RGS14: variants seen among roughly 807,000 people sequenced by gnomAD.
RGS14 encodes regulator of G protein signaling 14, also known as regulator of G-protein signaling 14.
A neutral mutation model predicts 63.8 loss-of-function variants in RGS14; 33 were observed. The observed-to-expected ratio is 0.52, with a 90% CI of 0.39 to 0.69. The LOEUF is 0.69. Among genes scored for constraint, RGS14 ranks in the 30% least tolerant of loss-of-function variants. RGS14 has a pLI of 0.00. For synonymous variants in RGS14, 296 were observed against 320.9 expected (o/e 0.92, Z 0.83); for missense variants, 739 against 742.9 (o/e 0.99, Z 0.06).
rs957664479 is a variant in RGS14 at position 177,364,197 on chromosome 5, G to A, written c.46-1766G>A. ...GAGGGTGGGGGTTGGGGGGCTTTCC[G>A]GGGTGGAGATGTTTGCAGGCCTGTT... is the stretch of plus-strand genomic sequence containing the variant. On this transcript the variant is annotated intron_variant, in intron 1 of 14. Transcript: ENST00000408923. The surrounding 1 kb of genome is among the most constrained non-coding windows in gnomAD (Gnocchi z 4.6). 2.0e-5 allele frequency among the ~76,000 whole-genome samples: 3 copies of A among 152,056 alleles called. No individual in the cohort carries two copies. The highest frequency in any genetic ancestry group is 2.9e-5 in the Non-Finnish European group (2 of 68,008).
chr5:177,368,100 C>G (rs1251818068), intron 7 of RGS14, 57 bp from the exon 8 acceptor site: 1 of 1,580,990 alleles, frequency 6.3e-7, no homozygotes, highest in South Asian at 1.1e-5. Flanking sequence ...AACAGGCTTC[C>G]GCAGAGGATG....
chr5:177,368,045 C>T, intron 7 of RGS14, 112 bp from the exon 8 acceptor site: 2 of 1,503,664 alleles, frequency 1.3e-6, no homozygotes, highest in Non-Finnish European at 1.8e-6. Context: ...GGGATTTACA[C>T]CTGGGCCCCT....
Position 177,371,280 on chromosome 5 carries a change from A to C in RGS14, c.1336+34A>C. 1.2e-6 allele frequency: 2 copies of C among 1,613,812 alleles called. No individual in the cohort carries two copies. Among genetic ancestry groups the C allele is most frequent in the Non-Finnish European group, 1.7e-6 (2 of 1,179,840 alleles). ...CGCTGGCCTCGGGGCTTGATCTGGA[A>C]CAGCTGTGGCCCAGGAGGAAGGGGG... is the stretch of plus-strand genomic sequence containing the variant. On this transcript the variant is annotated intron_variant, in intron 12 of 14. Transcript: ENST00000408923. The surrounding 1 kb of genome is among the most constrained non-coding windows in gnomAD (Gnocchi z 6.1).
chr5:177,361,272 ACAGGGTCTTG>A (rs1581614324), intron 1 of RGS14, among the ~76,000 whole-genome samples: 1 of 152,232 alleles, frequency 6.6e-6, no homozygotes, highest in Admixed American at 6.5e-5. Flanking sequence ...ACATCTCCAG[ACAGGGTCTTG>A]CAGCCCCTCA....
At chr5:177,370,330 G>A (rs1049704933) in intron 9 of RGS14, among the ~76,000 whole-genome samples, 1 of 152,204 alleles carries the variant, frequency 6.6e-6, no homozygotes, top group Non-Finnish European at 1.5e-5. Flanking sequence ...CATGCCAGCA[G>A]CTACGTTTCT....
intron 5 of RGS14, 102 bp from the exon 6 acceptor site, chr5:177,367,312 C>T (rs1179745627): frequency 1.4e-6 from 2 of 1,435,914 alleles, no homozygotes; most frequent in South Asian, 1.4e-5. Context: ...AAATCCAGCC[C>T]TAGGTTTGGG....
chr5:177,368,373 C>T, intron 8 of RGS14, 107 bp downstream of exon 8: 1 of 1,217,090 alleles, frequency 8.2e-7, no homozygotes, highest in East Asian at 2.5e-5. Context: ...ACTGCGTCTC[C>T]CAGCTTGCTC....
Position 177,371,103 on chromosome 5 carries a change from C to G in RGS14, c.1255-62C>G, listed in dbSNP as rs1406899547. 2.3e-5 allele frequency: 27 copies of G among 1,199,208 alleles called. No individual in the cohort carries two copies. In the Admixed American group the frequency reaches 2.8e-4, roughly 13 times the overall value. 74.3% of individuals were successfully genotyped at this position (1,199,208 alleles called of 1,614,324 possible). ...GCCGGGGCCGGGGCCGGGGCCGGGG[C>G]CGGGGCCGGGGCCGGGGCCGGGCGG... On this transcript the variant is annotated intron_variant, in intron 11 of 14. Transcript: ENST00000408923. This position sits in a 1 kb window ranked among gnomAD's most constrained non-coding sequence, Gnocchi z 6.1.
At position 177,359,491 on chromosome 5, in the gene RGS14, C is replaced by T. The variant is rs1761910361; in HGVS notation, c.45+1422C>T. ...TGGGACAGTGCCTAGAACTACAGGG[C>T]AGCAGAGGGGGCCCAGAGACAGACC... is the stretch of plus-strand genomic sequence containing the variant. On this transcript the variant is annotated intron_variant, in intron 1 of 14. Transcript: ENST00000408923. This position sits in a 1 kb window ranked among gnomAD's most constrained non-coding sequence, Gnocchi z 4.4. Among the ~76,000 whole-genome samples the T allele has an allele frequency of 6.6e-6, 1 of 152,156 alleles. No homozygotes were observed. Among genetic ancestry groups the T allele is most frequent in the African/African-American group, 2.4e-5 (1 of 41,436 alleles).
At chr5:177,367,386 G>A (rs1476392178) in intron 5 of RGS14, 28 bp from the exon 6 acceptor site, 32 of 1,572,284 alleles carry the variant, frequency 2.0e-5, no homozygotes, top group Non-Finnish European at 2.6e-5. Context: ...CCCAGCCCCG[G>A]CTCACCTGTT....
In RGS14 at chr5:177,371,089, GGC is replaced by G. The variant is rs1762249338; in HGVS notation, c.1254+59_1254+60del. 1 of 739,194 alleles carries G rather than the reference GGC, an allele frequency of 1.4e-6. No homozygotes were observed. Among genetic ancestry groups the G allele is most frequent in the Non-Finnish European group, 1.6e-6 (1 of 606,776 alleles). The allele number at this position is 739,194 out of a possible 1,614,324, so 45.8% of individuals were successfully genotyped here. The stretch of plus-strand genomic sequence containing the variant: ...GGGGCCGGGCCGGGGCCGGGGCCGG[GGC>G]CGGGGCCGGGGCCGGGGCCGGGGCC... On this transcript the variant is annotated intron_variant, in intron 11 of 14. Transcript: ENST00000408923. This position sits in a 1 kb window ranked among gnomAD's most constrained non-coding sequence, Gnocchi z 6.1.
Position 177,368,152 on chromosome 5 carries a change from A to T in RGS14, c.740-5A>T. On this transcript the variant is annotated splice_polypyrimidine_tract_variant and splice_region_variant and intron_variant, in intron 7 of 14. Coordinates refer to ENST00000408923, the MANE Select transcript of RGS14 (RefSeq NM_006480.5). Reference sequence around the variant, plus strand: ...TGTTCGCGTTCATCGCTCCCTCTTCACTAGAGCTGGGCGGGACTGCAAACG... The same window carrying T: ...TGTTCGCGTTCATCGCTCCCTCTTCTCTAGAGCTGGGCGGGACTGCAAACG... 1 of 1,612,392 alleles carries T rather than the reference A, an allele frequency of 6.2e-7. No individual in the cohort carries two copies. Among genetic ancestry groups the T allele is most frequent in the Non-Finnish European group, 8.5e-7 (1 of 1,179,608 alleles).
intron 9 of RGS14, 125 bp from the exon 10 acceptor site, chr5:177,370,466 C>T (rs1251997490): frequency 7.2e-6 from 6 of 830,796 alleles, no homozygotes; most frequent in South Asian, 1.4e-5. Flanking sequence ...GCTCTTCCAC[C>T]CTCCATCCCT....
At position 177,371,943 on chromosome 5, in the gene RGS14, G is replaced by C. The variant is rs1473517592; in HGVS notation, c.1569G>C (p.Glu523Asp). 1.2e-6 allele frequency: 2 copies of C among 1,614,152 alleles called. No homozygotes were observed. The highest frequency in any genetic ancestry group is 1.7e-5 in the Admixed American group (1 of 60,028). Residue 523 changes from glutamate (E) to aspartate (D), a missense_variant, in exon 15 of 15, where the codon GAG becomes GAC. Physicochemically the swap from Glu to Asp is conservative, Grantham distance 45 (BLOSUM62 2). Coordinates refer to ENST00000408923, the MANE Select transcript of RGS14 (RefSeq NM_006480.5). The surrounding 1 kb of genome is among the most constrained non-coding windows in gnomAD (Gnocchi z 6.1). ...AHDQRGLLRK[E>D]DLVLPEFLQL... ...ACCAGAGGGGCCTTCTGAGGAAAGA[G>C]GACCTGGTACTTCCAGAATTTCTGC...
At chr5:177,361,716 G>A (rs1761969734) in intron 1 of RGS14, among the ~76,000 whole-genome samples, 1 of 152,148 alleles carries the variant, frequency 6.6e-6, no homozygotes, top group Non-Finnish European at 1.5e-5. Flanking sequence ...CACAGTCAAA[G>A]CTCAGGAAAT....
rs1364131979 is a variant in RGS14, at chr5:177,358,405, CA to C, written c.45+337del. 6.6e-6 allele frequency among the ~76,000 whole-genome samples: 1 copy of C among 152,176 alleles called. No individual in the cohort carries two copies. The highest frequency in any genetic ancestry group is 2.4e-5 in the African/African-American group (1 of 41,448). ...GTGCTCCTTGCCCCCTGCCCATCCC[CA>C]CAGTGGCTCAAGCCCCTACATCCCG... On this transcript the variant is annotated intron_variant, in intron 1 of 14. Coordinates refer to ENST00000408923, the MANE Select transcript of RGS14 (RefSeq NM_006480.5). The surrounding 1 kb of genome is among the most constrained non-coding windows in gnomAD (Gnocchi z 4.8).
intron 1 of RGS14, among the ~76,000 whole-genome samples, chr5:177,361,886 C>T (rs1375592112): frequency 6.6e-6 from 1 of 152,196 alleles, no homozygotes; most frequent in Non-Finnish European, 1.5e-5. Flanking sequence ...TCTCCATTCA[C>T]TCACCACTTC....
At position 177,358,507 on chromosome 5, in the gene RGS14, C is replaced by T. The variant is rs765772743; in HGVS notation, c.45+438C>T. Among the ~76,000 whole-genome samples the T allele has an allele frequency of 5.1e-4, 77 of 152,188 alleles. No homozygotes were observed. Among genetic ancestry groups the T allele is most frequent in the Non-Finnish European group, 3.7e-4 (25 of 68,022 alleles). On this transcript the variant is annotated intron_variant, in intron 1 of 14. Coordinates refer to ENST00000408923, the MANE Select transcript of RGS14 (RefSeq NM_006480.5). The surrounding 1 kb of genome is among the most constrained non-coding windows in gnomAD (Gnocchi z 4.8). ...ATGTTAGTGGCAGCTCTTGCTGGGTCGGTGTCCTCCAGCCGGAGCTACTCC... is the reference window on the plus strand; with the variant it reads ...ATGTTAGTGGCAGCTCTTGCTGGGTTGGTGTCCTCCAGCCGGAGCTACTCC...
rs1762078862 is a variant in RGS14 at position 177,365,888 on chromosome 5, G to A, written c.46-75G>A. On this transcript the variant is annotated intron_variant, in intron 1 of 14. Transcript: ENST00000408923. ...GGAGGAGAACGCAGTTCCAGCTCCT[G>A]GGAGTCGGGCCCAGAACTGTCCCCT... 4 of 1,484,982 alleles carry A rather than the reference G, an allele frequency of 2.7e-6. No homozygotes were observed. The South Asian group carries it at 4.5e-5, about 17-fold the overall frequency. 92.0% of individuals were successfully genotyped at this position (1,484,982 alleles called of 1,614,324 possible). A position where few individuals can be genotyped will look rare whatever the true frequency, so the allele number is the denominator to read the frequency against.
Sources: allele counts gnomAD v4.1 joint callset (sites outside exome capture counted in the v4.1 genomes callset), GRCh38; gene constraint gnomAD v4.1.1; non-coding constraint Gnocchi (gnomAD v3.1); transcripts MANE v1.5; gene names NCBI Gene and HGNC (gene_info 2026-07-23, HGNC 2026-07-21).